RALGPS2: variants seen among roughly 807,000 people sequenced by gnomAD.
The protein encoded by RALGPS2 is Ral GEF with PH domain and SH3 binding motif 2.
Under a neutral mutation model 86.8 loss-of-function variants are expected in RALGPS2, and 43 were observed. The ratio of observed to expected loss-of-function variants is 0.50; its 90% CI spans 0.39 to 0.64. The LOEUF (loss-of-function observed/expected upper bound fraction) is 0.64, where lower values mean the gene tolerates loss of function less well. Ranked by LOEUF, RALGPS2 falls within the 30% of genes least tolerant of loss-of-function variation. The probability of loss-of-function intolerance (pLI) is 0.00; values close to 1 mark genes in which losing one functional copy is unlikely to be tolerated. For missense variants in RALGPS2, 536 were observed against 694.6 expected, an observed-to-expected ratio of 0.77 and a Z score of 2.57; for synonymous variants, 243 against 231.3, an observed-to-expected ratio of 1.05 and a Z score of -0.46.
chr1:178,865,714 G>A, intron 8 of RALGPS2: 1 of 1,613,522 alleles, frequency 6.2e-7, no homozygotes, highest in Non-Finnish European at 8.5e-7. Context: ...GTCCACCTCT[G>A]CAATGTCCAG....
rs138154297 is a variant in RALGPS2, at chr1:178,814,725, C to A, written c.387+3321C>A. On this transcript the variant is annotated intron_variant, in intron 6 of 19. Coordinates refer to ENST00000367635, the MANE Select transcript of RALGPS2 (RefSeq NM_152663.5). The stretch of plus-strand genomic sequence containing the variant: ...TTGGCCTCCCAAAGTGCTGGGATTA[C>A]AAGTGTGAGCTACTGTACCTGTCCC... Among the ~76,000 whole-genome samples the A allele has an allele frequency of 3.5e-4, 53 of 152,264 alleles. No homozygotes were observed. The East Asian group carries it at 0.01, about 29-fold the overall frequency.
At chr1:178,879,138 T>A in intron 10 of RALGPS2, 146 bp downstream of exon 10, 1 of 1,139,756 alleles carries the variant, frequency 8.8e-7, no homozygotes, top group Non-Finnish European at 1.2e-6. Flanking sequence ...CTAACATGTA[T>A]TACTTCTTAA....
intron 7 of RALGPS2, among the ~76,000 whole-genome samples, chr1:178,826,222 A>G (rs1298040047): frequency 6.6e-6 from 1 of 152,206 alleles, no homozygotes; most frequent in Non-Finnish European, 1.5e-5. Flanking sequence ...TGTTGTATTC[A>G]ACATATAATT....
chr1:178,862,095 A>G (rs1658058295), intron 8 of RALGPS2, among the ~76,000 whole-genome samples: 1 of 151,584 alleles, frequency 6.6e-6, no homozygotes, highest in Non-Finnish European at 1.5e-5. Flanking sequence ...CTGGTCTCAA[A>G]CTCCTGACCT....
At chr1:178,802,948 AG>A (rs1558126342) in intron 4 of RALGPS2, among the ~76,000 whole-genome samples, 1 of 152,154 alleles carries the variant, frequency 6.6e-6, no homozygotes, top group Non-Finnish European at 1.5e-5. Context: ...CAAATCTTCA[AG>A]ACAAAATTTC....
chr1:178,868,253 C>A (rs1461169081), intron 8 of RALGPS2, among the ~76,000 whole-genome samples: 1 of 151,728 alleles, frequency 6.6e-6, no homozygotes, highest in Non-Finnish European at 1.5e-5. Flanking sequence ...TTTATTATAT[C>A]TCCAGATTCG....
chr1:178,788,476 G>T (rs1453493662), intron 4 of RALGPS2, among the ~76,000 whole-genome samples: 1 of 152,154 alleles, frequency 6.6e-6, no homozygotes, highest in Non-Finnish European at 1.5e-5. Flanking sequence ...AGTGGGAGTT[G>T]CAACTTTAGA....
At chr1:178,861,170 G>A (rs994678228) in intron 8 of RALGPS2, among the ~76,000 whole-genome samples, 2 of 152,072 alleles carry the variant, frequency 1.3e-5, no homozygotes, top group Non-Finnish European at 2.9e-5. Flanking sequence ...TCCCTTATAT[G>A]TTCATTAATG....
Position 178,916,412 on chromosome 1 carries a change from C to G in RALGPS2, c.*53C>G. ...TGTTGCTTCTACGTGAGCATGAGGA[C>G]CTGATAAAAGAGCGCCAGCTATAAA... On this transcript the variant is annotated 3_prime_UTR_variant, in exon 20 of 20. Coordinates refer to ENST00000367635, the MANE Select transcript of RALGPS2 (RefSeq NM_152663.5). The G allele has an allele frequency of 6.6e-7, 1 of 1,523,408 alleles. No individual in the cohort carries two copies. 94.4% of individuals were successfully genotyped at this position (1,523,408 alleles called of 1,614,324 possible).
chr1:178,799,655 C>T (rs1370970076), intron 4 of RALGPS2, among the ~76,000 whole-genome samples: 3 of 152,132 alleles, frequency 2.0e-5, no homozygotes, highest in Non-Finnish European at 4.4e-5. Context: ...AGGAAGAACC[C>T]TGCTAATAAG....
At position 178,916,548 on chromosome 1, in the gene RALGPS2, G is replaced by C. The variant is rs935267055; in HGVS notation, c.*189G>C. 3.5e-6 allele frequency: 2 copies of C among 575,746 alleles called. No homozygotes were observed. The allele number at this position is 575,746 out of a possible 1,614,324, so 35.7% of individuals were successfully genotyped here. Reference sequence around the variant, plus strand: ...TGAGATATTCCCAGAGAACAAATTGGAGTTGCAAAACAAACTGCCATGAAC... The same window carrying C: ...TGAGATATTCCCAGAGAACAAATTGCAGTTGCAAAACAAACTGCCATGAAC... On this transcript the variant is annotated 3_prime_UTR_variant, in exon 20 of 20. Coordinates refer to ENST00000367635, the MANE Select transcript of RALGPS2 (RefSeq NM_152663.5).
chr1:178,810,996 G>A (rs913535526), intron 5 of RALGPS2, among the ~76,000 whole-genome samples: 2 of 151,626 alleles, frequency 1.3e-5, no homozygotes, highest in African/African-American at 4.8e-5. Flanking sequence ...AAATCAAGAT[G>A]GTTTTATTTG....
At chr1:178,878,014 A>G (rs764119182) in intron 9 of RALGPS2, among the ~76,000 whole-genome samples, 17 of 152,120 alleles carry the variant, frequency 1.1e-4, no homozygotes, top group East Asian at 3.9e-4. Flanking sequence ...GTCATTTTCT[A>G]TTATCTCATT....
At chr1:178,900,588 G>A (rs990406665) in intron 17 of RALGPS2, among the ~76,000 whole-genome samples, 10 of 151,926 alleles carry the variant, frequency 6.6e-5, no homozygotes, top group African/African-American at 1.9e-4. Flanking sequence ...AAGATTATCT[G>A]TAGAAGAATA....
At chr1:178,781,348 T>C in intron 2 of RALGPS2, among the ~76,000 whole-genome samples, 1 of 152,180 alleles carries the variant, frequency 6.6e-6, no homozygotes, top group Non-Finnish European at 1.5e-5. Context: ...GTGATAAGCT[T>C]ACAGAATGGA....
In RALGPS2 at chr1:178,743,594, G is replaced by C. The variant is rs1262843807; in HGVS notation, c.-84+18175G>C. Among the ~76,000 whole-genome samples, 15 of 152,254 alleles carry C rather than the reference G, an allele frequency of 9.9e-5. 1 individual carries two copies. The South Asian group carries it at 2.9e-3, about 29-fold the overall frequency. On this transcript the variant is annotated intron_variant, in intron 1 of 19. Transcript: ENST00000367635. ...GAACTAATTTAAGTTAAAAAAATTA[G>C]TTCTGTGGCAACATCGATAAAATTG...
intron 1 of RALGPS2, among the ~76,000 whole-genome samples, chr1:178,742,245 A>G (rs1253938452): frequency 6.6e-6 from 1 of 152,146 alleles, no homozygotes. Context: ...TAAGACACAA[A>G]TAGGCTAAAA....
Position 178,856,394 on chromosome 1 carries a change from A to ATTTTTTTTTTTTTTTTTTTT in RALGPS2, c.608-21091_608-21072dup, listed in dbSNP as rs71108081. Among the ~76,000 whole-genome samples the ATTTTTTTTTTTTTTTTTTTT allele has an allele frequency of 3.6e-4, 13 of 36,430 alleles. 4 individuals carry two copies. The highest frequency in any genetic ancestry group is 1.3e-3 in the African/African-American group (9 of 6,866). 23.9% of individuals were successfully genotyped at this position (36,430 alleles called of 152,430 possible). A position where few individuals can be genotyped will look rare whatever the true frequency, so the allele number is the denominator to read the frequency against. The stretch of plus-strand genomic sequence containing the variant: ...AGGCAAGTGCCACCCTGCCTGGCTA[A>ATTTTTTTTTTTTTTTTTTTT]TTTTTTTTTTTTTTTTTTTTTTTTT... On this transcript the variant is annotated intron_variant, in intron 8 of 19. Transcript: ENST00000367635.
intron 1 of RALGPS2, among the ~76,000 whole-genome samples, chr1:178,735,640 A>G (rs1650648453): frequency 7.5e-6 from 1 of 132,874 alleles, no homozygotes; most frequent in African/African-American, 2.9e-5. Context: ...GGATTTCACC[A>G]TATTTGATTG....
Sources: gnomAD v4.1 joint callset for allele counts (sites outside exome capture counted in the v4.1 genomes callset) on GRCh38, gnomAD v4.1.1 for gene constraint, MANE v1.5 for transcripts, NCBI Gene and HGNC (gene_info 2026-07-23, HGNC 2026-07-21) for gene names.